The following PCDH15 variants were observed in gnomAD, a reference collection of about 807,000 sequenced individuals.
PCDH15 encodes the protein protocadherin-15.
In PCDH15, 129 loss-of-function variants were observed where a neutral mutation model predicts 178.5. The observed-to-expected ratio is 0.72, with a 90% CI of 0.63 to 0.84. The LOEUF (loss-of-function observed/expected upper bound fraction) is 0.84. Among genes scored for constraint, PCDH15 ranks in the 40% least tolerant of loss-of-function variants. The pLI, the probability that PCDH15 is intolerant of heterozygous loss-of-function variation, is 0.00. For synonymous variants in PCDH15, 800 were observed against 732.0 expected (o/e 1.09, Z -1.50); for missense variants, 2,230 against 2,099.9 (o/e 1.06, Z -1.21).
At chr10:53,999,446 C>A (rs921393379) in intron 20 of PCDH15, among the ~76,000 whole-genome samples, 5 of 152,116 alleles carry the variant, frequency 3.3e-5, no homozygotes, top group African/African-American at 9.7e-5. Context: ...ACTTATTTCC[C>A]TTCTTTTATG....
At chr10:55,487,599 T>C (rs969818662) in intron 2 of PCDH15, among the ~76,000 whole-genome samples, 2 of 151,650 alleles carry the variant, frequency 1.3e-5, no homozygotes, top group Non-Finnish European at 3.0e-5. Flanking sequence ...ACTCTGACAA[T>C]AGCCTGCTTA....
At chr10:54,261,393 A>G (rs1025418297) in intron 8 of PCDH15, among the ~76,000 whole-genome samples, 6 of 151,970 alleles carry the variant, frequency 3.9e-5, no homozygotes, top group Non-Finnish European at 8.8e-5. Flanking sequence ...TAATAATAAT[A>G]ATACTTCAAA....
chr10:54,594,862 G>A (rs1262446994), intron 2 of PCDH15, among the ~76,000 whole-genome samples: 1 of 152,130 alleles, frequency 6.6e-6, no homozygotes, highest in African/African-American at 2.4e-5. Flanking sequence ...CTCCACTCCT[G>A]TGCCAAAACT....
intron 15 of PCDH15, among the ~76,000 whole-genome samples, chr10:54,103,185 C>A (rs1320754399): frequency 6.6e-6 from 1 of 152,170 alleles, no homozygotes; most frequent in Non-Finnish European, 1.5e-5. Context: ...TCAAATTAGT[C>A]TTTTGTCCAT....
intron 3 of PCDH15, among the ~76,000 whole-genome samples, chr10:54,497,732 T>C (rs1239025620): frequency 2.0e-5 from 3 of 152,064 alleles, no homozygotes; most frequent in Non-Finnish European, 4.4e-5. Context: ...TACCTTCTAA[T>C]TAATGCAGGC....
At position 55,305,650 on chromosome 10, in the gene PCDH15, G is replaced by A. The variant is rs115378079; in HGVS notation, c.-156+13949C>T. On this transcript the variant is annotated intron_variant, in intron 1 of 5. Coordinates refer to the PCDH15 transcript ENST00000458638. ...AATAGGCACTGCAAAACTATTCAAT[G>A]GGAATAAACTACTCTGATTTACAAT... Among the ~76,000 whole-genome samples the A allele has an allele frequency of 6.5e-3, 992 of 152,254 alleles. 6 individuals carry two copies. Among genetic ancestry groups the A allele is most frequent in the Middle Eastern group, 0.024 (7 of 294 alleles).
intron 3 of PCDH15, among the ~76,000 whole-genome samples, chr10:54,890,806 T>C (rs1954447211): frequency 6.6e-6 from 1 of 152,130 alleles, no homozygotes; most frequent in East Asian, 1.9e-4. Flanking sequence ...TTCTTGACTT[T>C]GGTACTTGCA....
At chr10:54,148,830 G>T (rs2044235930) in intron 14 of PCDH15, among the ~76,000 whole-genome samples, 1 of 151,386 alleles carries the variant, frequency 6.6e-6, no homozygotes, top group Non-Finnish European at 1.5e-5. Context: ...TTGTGCCTCT[G>T]CTCCCCTAAA....
chr10:54,385,330 C>A (rs1565144132), intron 3 of PCDH15, among the ~76,000 whole-genome samples: 1 of 151,908 alleles, frequency 6.6e-6, no homozygotes, highest in Non-Finnish European at 1.5e-5. Flanking sequence ...AATAATAAAA[C>A]AGATGGATGT....
At chr10:53,822,868 C>T in intron 32 of PCDH15, 2 of 1,614,026 alleles carry the variant, frequency 1.2e-6, no homozygotes, top group South Asian at 2.2e-5. Flanking sequence ...TTGCTGCTAC[C>T]TCTTTTGTTT....
At chr10:55,000,446 T>C (rs1172588934) in intron 2 of PCDH15, among the ~76,000 whole-genome samples, 4 of 152,202 alleles carry the variant, frequency 2.6e-5, no homozygotes, top group African/African-American at 9.7e-5. Flanking sequence ...ATCTTGTTCT[T>C]TTTTCAAGGT....
chr10:53,862,438 C>T (rs1025133249), intron 27 of PCDH15, among the ~76,000 whole-genome samples: 1 of 152,120 alleles, frequency 6.6e-6, no homozygotes, highest in Non-Finnish European at 1.5e-5. Flanking sequence ...CTGAACACTG[C>T]AGATATTGTA....
chr10:54,252,373 G>A (rs991710061), intron 8 of PCDH15, among the ~76,000 whole-genome samples: 2 of 152,148 alleles, frequency 1.3e-5, no homozygotes, highest in Non-Finnish European at 2.9e-5. Flanking sequence ...GATGGAAAAT[G>A]ACATCACAGA....
At chr10:55,418,541 T>A (rs961606929) in intron 2 of PCDH15, among the ~76,000 whole-genome samples, 2 of 151,790 alleles carry the variant, frequency 1.3e-5, no homozygotes, top group Non-Finnish European at 2.9e-5. Flanking sequence ...AAATGTATGC[T>A]GGACTGGTGC....
chr10:55,521,938 C>T (rs922394935), intron 2 of PCDH15, among the ~76,000 whole-genome samples: 1 of 151,862 alleles, frequency 6.6e-6, no homozygotes. Flanking sequence ...ATGTTGCTAG[C>T]TGGGAAAATG....
At chr10:55,596,611 A>C (rs1415826402) in intron 2 of PCDH15, among the ~76,000 whole-genome samples, 2 of 152,156 alleles carry the variant, frequency 1.3e-5, no homozygotes, top group Non-Finnish European at 2.9e-5. Flanking sequence ...AGTATTAAAA[A>C]AGTAAGGCAT....
At chr10:53,853,272 A>T (rs1327614745) in intron 28 of PCDH15, among the ~76,000 whole-genome samples, 1 of 152,086 alleles carries the variant, frequency 6.6e-6, no homozygotes, top group Non-Finnish European at 1.5e-5. Context: ...TTAACTCAAA[A>T]TGGATTAAAG....
At chr10:54,648,833 T>C (rs2094192047) in intron 2 of PCDH15, among the ~76,000 whole-genome samples, 2 of 152,178 alleles carry the variant, frequency 1.3e-5, no homozygotes, top group Admixed American at 1.3e-4. Context: ...TGGGGAGATA[T>C]CATCAGAATT....
At chr10:54,890,722 T>G (rs1250510553) in intron 3 of PCDH15, among the ~76,000 whole-genome samples, 1 of 152,080 alleles carries the variant, frequency 6.6e-6, no homozygotes, top group African/African-American at 2.4e-5. Flanking sequence ...CAAAAATATT[T>G]ATTATTTTTC....
Sources: gnomAD v4.1 joint callset for allele counts (sites outside exome capture counted in the v4.1 genomes callset) on GRCh38, gnomAD v4.1.1 for gene constraint, MANE v1.5 for transcripts, NCBI Gene and HGNC (gene_info 2026-07-23, HGNC 2026-07-21) for gene names.